Variants in MVB12B observed in about 807,000 individuals in gnomAD.
MVB12B encodes the protein ESCRT-I complex subunit MVB12B.
A neutral mutation model predicts 41.6 loss-of-function variants in MVB12B; 16 were observed. That is an observed-to-expected ratio of 0.38 (90% CI 0.26 to 0.58). MVB12B has a LOEUF of 0.58. Among genes scored for constraint, MVB12B ranks in the 20% least tolerant of loss-of-function variants. The pLI is 0.62. For synonymous variants in MVB12B, 133 were observed against 139.7 expected (o/e 0.95, Z 0.34); for missense variants, 274 against 380.2 (o/e 0.72, Z 2.32).
At chr9:126,336,998 T>C (rs1246872680) in intron 1 of MVB12B, among the ~76,000 whole-genome samples, 2 of 152,214 alleles carry the variant, frequency 1.3e-5, no homozygotes, top group African/African-American at 4.8e-5. Context: ...ACCACCTTTA[T>C]TCCTTACCCA....
intron 7 of MVB12B, among the ~76,000 whole-genome samples, chr9:126,462,383 A>T (rs532314802): frequency 6.6e-6 from 1 of 152,336 alleles, no homozygotes; most frequent in East Asian, 1.9e-4. Flanking sequence ...TTCAGTGTTA[A>T]AAGTTCCCTG....
chr9:126,358,050 T>G (rs1004914907), intron 2 of MVB12B, among the ~76,000 whole-genome samples: 1 of 152,132 alleles, frequency 6.6e-6, no homozygotes, highest in African/African-American at 2.4e-5. Flanking sequence ...TGTCCAATTG[T>G]TCTAGTACCC....
At chr9:126,396,365 C>G (rs1275469696) in intron 6 of MVB12B, 1 of 985,404 alleles carries the variant, frequency 1.0e-6, no homozygotes, top group African/African-American at 1.7e-5. Flanking sequence ...GGGCAAGGAA[C>G]AAACAGCACT....
chr9:126,388,424 G>T (rs574644916), intron 4 of MVB12B, among the ~76,000 whole-genome samples: 1 of 152,168 alleles, frequency 6.6e-6, no homozygotes, highest in South Asian at 2.1e-4. Flanking sequence ...ACCACATTTT[G>T]GTTATCCATT....
At chr9:126,405,435 C>A (rs1454041295) in intron 6 of MVB12B, among the ~76,000 whole-genome samples, 1 of 151,898 alleles carries the variant, frequency 6.6e-6, no homozygotes, top group East Asian at 1.9e-4. Flanking sequence ...ACTTTAGGGT[C>A]GGTTTTGTGA....
chr9:126,482,188 TGGCC>T (rs1554785437), intron 8 of MVB12B, among the ~76,000 whole-genome samples: 28 of 140,342 alleles, frequency 2.0e-4, no homozygotes, highest in South Asian at 9.0e-4. Context: ...AAGGTGGCAG[TGGCC>T]CCCTCCCAGC....
At chr9:126,496,075 G>A (rs1322262971) in intron 9 of MVB12B, among the ~76,000 whole-genome samples, 1 of 152,096 alleles carries the variant, frequency 6.6e-6, no homozygotes, top group Non-Finnish European at 1.5e-5. Context: ...TAGAAACCAG[G>A]ATGACCTTCT....
rs1478166771 is a variant in MVB12B at position 126,505,098 on chromosome 9, C to T, written c.*1835C>T. On this transcript the variant is annotated 3_prime_UTR_variant, in exon 10 of 10. Coordinates refer to ENST00000361171, the MANE Select transcript of MVB12B (RefSeq NM_033446.3). ...AGGGCAGAGCTCTGGCCACTTCTGC[C>T]CACTTCATTAGGGTTTGTGAACTTT... 6.6e-6 allele frequency: 1 copy of T among 152,302 alleles called. No individual in the cohort carries two copies. Among genetic ancestry groups the T allele is most frequent in the Non-Finnish European group, 1.5e-5 (1 of 68,090 alleles). The allele number at this position is 152,302 out of a possible 1,614,324, so 9.4% of individuals were successfully genotyped here.
Position 126,468,439 on chromosome 9 carries a change from C to T in MVB12B, c.758-12930C>T, listed in dbSNP as rs374250584. ...CACGAGTTCATCTCTGCTGCTTTTC[C>T]GCTGGCCCCCACGCCCCGTCAGTAC... On this transcript the variant is annotated intron_variant, in intron 7 of 9. Transcript: ENST00000361171. The surrounding 1 kb of genome is among the most constrained non-coding windows in gnomAD (Gnocchi z 4.3). Among the ~76,000 whole-genome samples the T allele has an allele frequency of 6.6e-5, 10 of 152,206 alleles. No individual in the cohort carries two copies. Among genetic ancestry groups the T allele is most frequent in the African/African-American group, 1.9e-4 (8 of 41,452 alleles).
intron 7 of MVB12B, among the ~76,000 whole-genome samples, chr9:126,437,348 C>T (rs903478574): frequency 2.0e-5 from 3 of 152,186 alleles, no homozygotes; most frequent in African/African-American, 4.8e-5. Flanking sequence ...AAAACTATCA[C>T]GGCATAGTAA....
chr9:126,463,985 G>A (rs974497610), intron 7 of MVB12B, among the ~76,000 whole-genome samples: 8 of 152,124 alleles, frequency 5.3e-5, no homozygotes, highest in African/African-American at 1.9e-4. Flanking sequence ...GAATGTCCCC[G>A]TTTCACAGAG....
chr9:126,371,108 C>T (rs749149249), intron 2 of MVB12B, among the ~76,000 whole-genome samples: 51 of 152,206 alleles, frequency 3.4e-4, no homozygotes, highest in African/African-American at 1.1e-3. Flanking sequence ...GCCACTGATG[C>T]GTCACTGGCA....
rs1830229718 is a variant in MVB12B, at chr9:126,367,960, GA to G, written c.205-13101del. ...TAGAGAATGTTTGCTGAAAGAAAAG[GA>G]AAGACTTGTGTCCTGAAGAGATGAA... On this transcript the variant is annotated intron_variant, in intron 2 of 9. Transcript: ENST00000361171. The surrounding 1 kb of genome is among the most constrained non-coding windows in gnomAD (Gnocchi z 4.3). Among the ~76,000 whole-genome samples the G allele has an allele frequency of 1.3e-5, 2 of 152,322 alleles. No individual in the cohort carries two copies. The highest frequency in any genetic ancestry group is 4.1e-4 in the South Asian group (2 of 4,828).
At chr9:126,458,377 G>C (rs534267251) in intron 7 of MVB12B, among the ~76,000 whole-genome samples, 69 of 152,310 alleles carry the variant, frequency 4.5e-4, no homozygotes, top group African/African-American at 1.6e-3. Flanking sequence ...TTTCTAGGCT[G>C]TTCGGGGGCC....
At chr9:126,420,116 T>C (rs80348380) in intron 6 of MVB12B, among the ~76,000 whole-genome samples, 3,586 of 152,312 alleles carry the variant, frequency 0.024, 141 homozygotes, top group African/African-American at 0.082. Flanking sequence ...CCGTTCCCTT[T>C]AACAGAATAT....
chr9:126,476,863 C>T (rs1252582106), intron 7 of MVB12B, among the ~76,000 whole-genome samples: 25 of 119,102 alleles, frequency 2.1e-4, no homozygotes, highest in African/African-American at 5.3e-4. Context: ...GGAGACAGAG[C>T]GAGACTCCAT....
chr9:126,460,617 G>C lies in MVB12B; in HGVS notation c.758-20752G>C, dbSNP rs74354721. 3.6e-3 allele frequency among the ~76,000 whole-genome samples: 548 copies of C among 152,220 alleles called. 8 individuals are homozygous for C. In the East Asian group the frequency reaches 0.044, roughly 12 times the overall value. ...AGAGGGGTGGGCATCGCCTCTCCCTGACCGGGGTCTGGAGAAGGGAGGGCC... is the reference window on the plus strand; with the variant it reads ...AGAGGGGTGGGCATCGCCTCTCCCTCACCGGGGTCTGGAGAAGGGAGGGCC... On this transcript the variant is annotated intron_variant, in intron 7 of 9. Coordinates refer to ENST00000361171, the MANE Select transcript of MVB12B (RefSeq NM_033446.3).
intron 2 of MVB12B, among the ~76,000 whole-genome samples, chr9:126,372,826 A>G (rs4837068): frequency 1 from 151,644 of 152,302 alleles, 75,501 homozygotes; most frequent in Middle Eastern, 1. Context: ...GCTGTAGAGT[A>G]GGGGATTCTT....
Position 126,468,742 on chromosome 9 carries a change from C to T in MVB12B, c.758-12627C>T, listed in dbSNP as rs1052697627. ...CATAGCCAGGGAGACGCTGTTAAAA[C>T]CTAAATCTCCCCATCTCTCTCTCCA... On this transcript the variant is annotated intron_variant, in intron 7 of 9. Coordinates refer to ENST00000361171, the MANE Select transcript of MVB12B (RefSeq NM_033446.3). The surrounding 1 kb of genome is among the most constrained non-coding windows in gnomAD (Gnocchi z 4.3). Among the ~76,000 whole-genome samples the T allele has an allele frequency of 2.6e-5, 4 of 152,216 alleles. No homozygotes were observed. Among genetic ancestry groups the T allele is most frequent in the African/African-American group, 9.7e-5 (4 of 41,448 alleles).
Sources: gnomAD v4.1 joint callset for allele counts (sites outside exome capture counted in the v4.1 genomes callset) on GRCh38, gnomAD v4.1.1 for gene constraint, Gnocchi (gnomAD v3.1) non-coding constraint, MANE v1.5 for transcripts, NCBI Gene and HGNC (gene_info 2026-07-23, HGNC 2026-07-21) for gene names.